The following ECHDC2 variants were observed in gnomAD, a reference collection of about 807,000 sequenced individuals.
ECHDC2 encodes the protein enoyl-CoA hydratase domain-containing protein 2, mitochondrial.
A neutral mutation model predicts 40.6 loss-of-function variants in ECHDC2; 34 were observed. The observed-to-expected ratio is 0.84, with a 90% CI of 0.64 to 1.11. The LOEUF is 1.11. Ranked by LOEUF, ECHDC2 falls within the 50% of genes most tolerant of loss-of-function variation. The pLI, the probability that ECHDC2 is intolerant of heterozygous loss-of-function variation, is 0.00. For missense variants in ECHDC2, 392 were observed against 400.7 expected (o/e 0.98, Z 0.19); for synonymous variants, 162 against 166.6 (o/e 0.97, Z 0.21).
rs1649494686 is a variant in ECHDC2, at chr1:52,911,560, A to T, written c.277+6T>A. Reference sequence around the variant, plus strand: ...AGCACAGATGGGGGCAGGAGAGAGAACCTACCTGCACAGAACACGCCCTTC... The same window carrying T: ...AGCACAGATGGGGGCAGGAGAGAGATCCTACCTGCACAGAACACGCCCTTC... On this transcript the variant is annotated splice_donor_region_variant and intron_variant, in intron 3 of 9. Transcript: ENST00000371522. 1.2e-6 allele frequency: 2 copies of T among 1,612,452 alleles called. No individual in the cohort carries two copies. The highest frequency in any genetic ancestry group is 1.7e-6 in the Non-Finnish European group (2 of 1,179,500).
intron 3 of ECHDC2, 123 bp from the exon 4 acceptor site, chr1:52,908,077 A>G: frequency 1.3e-6 from 1 of 780,416 alleles, no homozygotes; most frequent in East Asian, 2.7e-5. Context: ...GAGAAACACC[A>G]GGAACCCGGG....
intron 8 of ECHDC2, 155 bp from the exon 9 acceptor site, chr1:52,897,639 A>G (rs1017540746): frequency 4.1e-6 from 3 of 730,792 alleles, no homozygotes; most frequent in Non-Finnish European, 7.3e-6. Context: ...ATTCGTAACT[A>G]TGACAAAACT....
At chr1:52,908,041 C>G (rs772805249) in intron 3 of ECHDC2, 87 bp from the exon 4 acceptor site, 14 of 1,221,926 alleles carry the variant, frequency 1.1e-5, no homozygotes, top group Non-Finnish European at 1.5e-5. Context: ...CAAAGAAGAC[C>G]TGAGGACAGG....
At chr1:52,920,320 G>A (rs948331114) in intron 1 of ECHDC2, 6 of 628,632 alleles carry the variant, frequency 9.5e-6, no homozygotes, top group Non-Finnish European at 1.7e-5. Context: ...CAAGGAACTG[G>A]ATTTTATGGC....
At chr1:52,908,654 C>A (rs1188738809) in intron 3 of ECHDC2, among the ~76,000 whole-genome samples, 1 of 151,936 alleles carries the variant, frequency 6.6e-6, no homozygotes, top group East Asian at 1.9e-4. Flanking sequence ...GGGCAAAGGG[C>A]CAGGCGCAGT....
chr1:52,908,391 C>T (rs1202390720), intron 3 of ECHDC2, among the ~76,000 whole-genome samples: 1 of 152,028 alleles, frequency 6.6e-6, no homozygotes, highest in Non-Finnish European at 1.5e-5. Context: ...ATCCCAGCTA[C>T]TCAGGTGGCG....
chr1:52,917,440 G>A lies in ECHDC2; in HGVS notation c.121+4113C>T, dbSNP rs967674714. The A allele has an allele frequency of 3.2e-5, 13 of 403,074 alleles. No individual in the cohort carries two copies. The East Asian group carries it at 5.0e-4, about 16-fold the overall frequency. The allele number at this position is 403,074 out of a possible 1,614,324, so 25.0% of individuals were successfully genotyped here. Reference sequence around the variant, plus strand: ...AACATAAAAGGACAGTGTGGGGGACGGAGCAGCAGAGCAGGGGAGTTCCAA... The same window carrying A: ...AACATAAAAGGACAGTGTGGGGGACAGAGCAGCAGAGCAGGGGAGTTCCAA... On this transcript the variant is annotated intron_variant, in intron 1 of 9. Coordinates refer to ENST00000371522, the MANE Select transcript of ECHDC2 (RefSeq NM_001198961.2).
At chr1:52,918,547 T>A in intron 1 of ECHDC2, among the ~76,000 whole-genome samples, 1 of 152,064 alleles carries the variant, frequency 6.6e-6, no homozygotes, top group East Asian at 1.9e-4. Flanking sequence ...GTGTGTGTGC[T>A]TGTGTCTTTG....
chr1:52,909,069 T>C (rs1557500914), intron 3 of ECHDC2, among the ~76,000 whole-genome samples: 1 of 151,240 alleles, frequency 6.6e-6, no homozygotes, highest in Non-Finnish European at 1.5e-5. Context: ...AAAACCACAA[T>C]GAGATACTAC....
Position 52,910,352 on chromosome 1 carries a change from G to GTTTTTTTTTTTTTTT in ECHDC2, c.277+1199_277+1213dup, listed in dbSNP as rs869088329. On this transcript the variant is annotated intron_variant, in intron 3 of 9. Transcript: ENST00000371522. ...GTTACTTATATTTCACCACAATTTC[G>GTTTTTTTTTTTTTTT]TTTTTTTTTTTTTTTTTTTTTTTTT... is the stretch of plus-strand genomic sequence containing the variant. 5.6e-4 allele frequency among the ~76,000 whole-genome samples: 18 copies of GTTTTTTTTTTTTTTT among 32,102 alleles called. 5 individuals carry two copies. Among genetic ancestry groups the GTTTTTTTTTTTTTTT allele is most frequent in the East Asian group, 8.5e-4 (1 of 1,176 alleles). The allele number at this position is 32,102 out of a possible 152,430, so 21.1% of individuals were successfully genotyped here.
At chr1:52,921,332 A>G in intron 1 of ECHDC2, 1 of 1,101,728 alleles carries the variant, frequency 9.1e-7, no homozygotes, top group Non-Finnish European at 1.2e-6. Flanking sequence ...GCCTTTGAAG[A>G]GACCGAGGTT....
chr1:52,897,317 G>T, intron 9 of ECHDC2, 120 bp downstream of exon 9: 1 of 1,020,296 alleles, frequency 9.8e-7, no homozygotes, highest in South Asian at 1.3e-5. Context: ...AGGGACGATG[G>T]ATGCGGTCAG....
rs1571937847 is a variant in ECHDC2 at position 52,904,896 on chromosome 1, A to G, written c.515-63T>C. On this transcript the variant is annotated intron_variant, in intron 6 of 9. Coordinates refer to ENST00000371522, the MANE Select transcript of ECHDC2 (RefSeq NM_001198961.2). ...GGAAGTGGGAACCCAGAGAAGGCTC[A>G]GCCTGGGACTCAGCCAAGACTTCTC... 8 of 1,594,678 alleles carry G rather than the reference A, an allele frequency of 5.0e-6. No individual in the cohort carries two copies. In the South Asian group the frequency reaches 9.0e-5, roughly 18 times the overall value.
chr1:52,898,882 G>C (rs1646806308), intron 8 of ECHDC2: 1 of 491,504 alleles, frequency 2.0e-6, no homozygotes, highest in Admixed American at 3.4e-5. Context: ...CACAGACCCG[G>C]GTTCTTTCTA....
At chr1:52,909,507 C>A (rs541596450) in intron 3 of ECHDC2, among the ~76,000 whole-genome samples, 32 of 144,072 alleles carry the variant, frequency 2.2e-4, no homozygotes, top group Non-Finnish European at 3.5e-4. Flanking sequence ...CTAACACCAA[C>A]GGTAACTGAT....
intron 1 of ECHDC2, among the ~76,000 whole-genome samples, chr1:52,916,000 A>G (rs1298560180): frequency 1.3e-5 from 2 of 152,128 alleles, no homozygotes; most frequent in African/African-American, 2.4e-5. Flanking sequence ...TCCAACAACC[A>G]TAGGAGGTGA....
intron 7 of ECHDC2, chr1:52,900,554 A>G (rs560207680): frequency 6.6e-6 from 1 of 152,336 alleles, no homozygotes; most frequent in South Asian, 2.1e-4. Context: ...AAAGGAATTT[A>G]TTTAAATATG....
At chr1:52,915,199 G>C (rs1267030520) in intron 1 of ECHDC2, 5 of 455,778 alleles carry the variant, frequency 1.1e-5, no homozygotes, top group Non-Finnish European at 2.2e-5. Context: ...GGTCTTCCCA[G>C]GGCTGAAATC....
intron 5 of ECHDC2, chr1:52,905,573 C>T (rs974729962): frequency 6.1e-6 from 1 of 163,812 alleles, no homozygotes; most frequent in Non-Finnish European, 1.3e-5. Context: ...CTGAAATTGC[C>T]CTGACTGTTC....
Sources: allele counts gnomAD v4.1 joint callset (sites outside exome capture counted in the v4.1 genomes callset), GRCh38; gene constraint gnomAD v4.1.1; transcripts MANE v1.5; gene names NCBI Gene and HGNC (gene_info 2026-07-23, HGNC 2026-07-21).